The following GEMIN5 variants were observed in gnomAD, a reference collection of about 807,000 sequenced individuals.
GEMIN5 encodes gem nuclear organelle associated protein 5.
GEMIN5 carries 124 observed loss-of-function variants against 176.9 expected under a neutral mutation model. The ratio of observed to expected loss-of-function variants is 0.70; its 90% CI spans 0.61 to 0.81. GEMIN5 has a LOEUF of 0.81. Among genes scored for constraint, GEMIN5 ranks in the 40% least tolerant of loss-of-function variants. The probability of loss-of-function intolerance (pLI) is 0.00; values close to 1 mark genes in which losing one functional copy is unlikely to be tolerated. For synonymous variants in GEMIN5, 673 were observed against 665.2 expected (o/e 1.01, Z -0.18); for missense variants, 1,843 against 1,814.6 (o/e 1.02, Z -0.28).
intron 16 of GEMIN5, 80 bp downstream of exon 16, chr5:154,907,511 T>G: frequency 1.0e-6 from 1 of 991,282 alleles, no homozygotes; most frequent in Non-Finnish European, 1.5e-6. Flanking sequence ...ACAGCGAAGT[T>G]TCAAACTGAG....
intron 11 of GEMIN5, among the ~76,000 whole-genome samples, 164 bp from the exon 12 acceptor site, chr5:154,918,168 A>G (rs1208012624): frequency 2.6e-5 from 4 of 152,336 alleles, no homozygotes; most frequent in African/African-American, 9.6e-5. Flanking sequence ...AAGAACATGC[A>G]TTCTAATTCT....
Position 154,891,544 on chromosome 5 carries a change from G to A in GEMIN5, c.3959C>T (p.Thr1320Ile). 6.2e-7 allele frequency: 1 copy of A among 1,614,188 alleles called. No homozygotes were observed. Among genetic ancestry groups the A allele is most frequent in the Non-Finnish European group, 8.5e-7 (1 of 1,180,028 alleles). Residue 1320 changes from threonine (T) to isoleucine (I), a missense_variant, in exon 26 of 28, where the codon ACT becomes ATT. Physicochemically the swap from Thr to Ile is moderately conservative, Grantham distance 89 (BLOSUM62 -1). Transcript: ENST00000285873. ...LSVEPSQQLD[T>I]ASTEETDPET... Reference sequence around the variant, plus strand: ...AGGGTCCGTTTCTTCAGTGCTGGCAGTGTCTAACTGCTGGCTTGGCTCAAC... The same window carrying A: ...AGGGTCCGTTTCTTCAGTGCTGGCAATGTCTAACTGCTGGCTTGGCTCAAC...
chr5:154,934,709 A>G (rs1259878192), intron 3 of GEMIN5, among the ~76,000 whole-genome samples: 1 of 152,088 alleles, frequency 6.6e-6, no homozygotes, highest in East Asian at 1.9e-4. Flanking sequence ...GCTGAATCCA[A>G]CCATCTCCTT....
At chr5:154,934,925 G>A (rs1764237760) in intron 3 of GEMIN5, among the ~76,000 whole-genome samples, 1 of 152,132 alleles carries the variant, frequency 6.6e-6, no homozygotes, top group Non-Finnish European at 1.5e-5. Flanking sequence ...GAGAAAATCA[G>A]AAATACCAGA....
intron 20 of GEMIN5, 64 bp downstream of exon 20, chr5:154,902,475 T>C (rs1763484918): frequency 6.7e-7 from 1 of 1,489,308 alleles, no homozygotes; most frequent in African/African-American, 1.4e-5. Flanking sequence ...GAGCCATCTT[T>C]AGTGGACGTA....
At chr5:154,927,273 G>T in intron 7 of GEMIN5, 112 bp downstream of exon 7, 1 of 613,652 alleles carries the variant, frequency 1.6e-6, no homozygotes, top group East Asian at 2.7e-5. Context: ...CTCTGAAATT[G>T]GAGTCAGGGG....
intron 15 of GEMIN5, among the ~76,000 whole-genome samples, chr5:154,910,016 G>A (rs1763662904): frequency 6.6e-6 from 1 of 151,416 alleles, no homozygotes; most frequent in Non-Finnish European, 1.5e-5. Context: ...AACAGAATTA[G>A]ACAGTATGTA....
chr5:154,907,519 G>A, intron 16 of GEMIN5, 72 bp downstream of exon 16: 1 of 1,066,266 alleles, frequency 9.4e-7, no homozygotes, highest in Non-Finnish European at 1.4e-6. Flanking sequence ...GTTTCAAACT[G>A]AGTAAGGACC....
At chr5:154,894,120 T>C (rs1763296684) in intron 24 of GEMIN5, among the ~76,000 whole-genome samples, 1 of 152,100 alleles carries the variant, frequency 6.6e-6, no homozygotes, top group Non-Finnish European at 1.5e-5. Context: ...AATTTTTGTA[T>C]TTTTACTAGA....
At chr5:154,915,902 T>A (rs1763800101) in intron 13 of GEMIN5, among the ~76,000 whole-genome samples, 1 of 152,206 alleles carries the variant, frequency 6.6e-6, no homozygotes, top group Non-Finnish European at 1.5e-5. Flanking sequence ...AAATTATTCA[T>A]TCATGTTCAC....
chr5:154,892,625 T>G, intron 24 of GEMIN5, 76 bp from the exon 25 acceptor site: 6 of 1,391,546 alleles, frequency 4.3e-6, no homozygotes, highest in African/African-American at 1.4e-5. Flanking sequence ...ACTGTTCCTG[T>G]GAACCGCATT....
At chr5:154,903,205 A>G in intron 18 of GEMIN5, 30 bp from the exon 19 acceptor site, 1 of 1,390,930 alleles carries the variant, frequency 7.2e-7, no homozygotes, top group Non-Finnish European at 1.0e-6. Context: ...AAAAAATCAG[A>G]TGAAGTCATT....
chr5:154,919,463 T>C (rs1306988804), intron 11 of GEMIN5, among the ~76,000 whole-genome samples: 1 of 152,236 alleles, frequency 6.6e-6, no homozygotes, highest in Admixed American at 6.5e-5. Flanking sequence ...GTAAAGGATA[T>C]AAGCAAATTA....
intron 8 of GEMIN5, among the ~76,000 whole-genome samples, chr5:154,925,391 T>G (rs1764008491): frequency 6.6e-6 from 1 of 152,174 alleles, no homozygotes; most frequent in Non-Finnish European, 1.5e-5. Flanking sequence ...TTTATTACCT[T>G]TAGATTCAAT....
In GEMIN5 at chr5:154,888,049, TG is replaced by T; in HGVS notation, c.*160del. The T allele has an allele frequency of 3.1e-6, 2 of 652,548 alleles. No homozygotes were observed. The highest frequency in any genetic ancestry group is 5.3e-6 in the Non-Finnish European group (2 of 380,628). The allele number at this position is 652,548 out of a possible 1,614,324, so 40.4% of individuals were successfully genotyped here. On this transcript the variant is annotated 3_prime_UTR_variant, in exon 28 of 28. Coordinates refer to ENST00000285873, the MANE Select transcript of GEMIN5 (RefSeq NM_015465.5). ...CTAAAGTCAGATCCACCGTTGTCTA[TG>T]GGTAGGCAGGGTTGATTCAAACTTA...
At chr5:154,923,007 T>C (rs975890422) in intron 9 of GEMIN5, among the ~76,000 whole-genome samples, 4 of 152,160 alleles carry the variant, frequency 2.6e-5, no homozygotes, top group African/African-American at 4.8e-5. Context: ...TAAAATAGTG[T>C]TCTTTTTTGA....
At chr5:154,901,168 A>T (rs1379985100) in intron 21 of GEMIN5, among the ~76,000 whole-genome samples, 171 bp downstream of exon 21, 1 of 152,222 alleles carries the variant, frequency 6.6e-6, no homozygotes, top group African/African-American at 2.4e-5. Flanking sequence ...TCTACAAAAA[A>T]CTAAAAAATT....
Position 154,917,005 on chromosome 5 carries a change from A to C in GEMIN5, c.1848T>G (p.Thr616=). 6.4e-7 allele frequency: 1 copy of C among 1,568,880 alleles called. No homozygotes were observed. Among genetic ancestry groups the C allele is most frequent in the African/African-American group, 1.3e-5 (1 of 74,184 alleles). ...NAVIYVHNLK[T]VIESSPESPV... ...GAAAGAAACCAAAGTTACCTATGAC[A>C]GTCTTCAGGTTGTGCACGTAAATGA... is the stretch of plus-strand genomic sequence containing the variant. The change falls in exon 13 of 28, where the codon ACT becomes ACG. Residue 616 remains threonine, a synonymous_variant. Coordinates refer to ENST00000285873, the MANE Select transcript of GEMIN5 (RefSeq NM_015465.5).
intron 4 of GEMIN5, among the ~76,000 whole-genome samples, chr5:154,931,897 C>T (rs986445251): frequency 2.0e-5 from 3 of 152,318 alleles, no homozygotes; most frequent in African/African-American, 4.8e-5. Flanking sequence ...CCTGTAATCC[C>T]GGCTACTCGG....
Sources: gnomAD v4.1 joint callset for allele counts (sites outside exome capture counted in the v4.1 genomes callset) on GRCh38, gnomAD v4.1.1 for gene constraint, MANE v1.5 for transcripts, NCBI Gene and HGNC (gene_info 2026-07-23, HGNC 2026-07-21) for gene names.